The following PMEPA1 variants were observed in gnomAD, a reference collection of about 807,000 sequenced individuals.
PMEPA1 encodes protein TMEPAI.
In PMEPA1, 11 loss-of-function variants were observed where a neutral mutation model predicts 23.0. The observed-to-expected ratio is 0.48, with a 90% CI of 0.30 to 0.79. The LOEUF is 0.79. PMEPA1 is among the 30% of genes least tolerant of loss of function. The pLI is 0.06. For synonymous variants in PMEPA1, 204 were observed against 166.4 expected, an observed-to-expected ratio of 1.23 and a Z score of -1.74; for missense variants, 377 against 390.9, an observed-to-expected ratio of 0.96 and a Z score of 0.30.
intron 1 of PMEPA1, among the ~76,000 whole-genome samples, chr20:57,698,736 G>A (rs1020606069): frequency 2.6e-5 from 4 of 152,096 alleles, no homozygotes; most frequent in Admixed American, 1.3e-4. Flanking sequence ...AAAGCTCCCC[G>A]GCTTCACTTT....
intron 1 of PMEPA1, among the ~76,000 whole-genome samples, chr20:57,663,934 A>G (rs2071457714): frequency 6.6e-6 from 1 of 152,212 alleles, no homozygotes; most frequent in African/African-American, 2.4e-5. Context: ...CAGGCACAGC[A>G]GCATTGGGGC....
At chr20:57,690,837 T>A (rs1011947388) in intron 1 of PMEPA1, among the ~76,000 whole-genome samples, 23 of 152,230 alleles carry the variant, frequency 1.5e-4, no homozygotes, top group Non-Finnish European at 2.5e-4. Flanking sequence ...TTGCACCTCC[T>A]GGGAGAAAAT....
chr20:57,674,063 T>G (rs957100179), intron 1 of PMEPA1, among the ~76,000 whole-genome samples: 7 of 151,558 alleles, frequency 4.6e-5, no homozygotes, highest in Admixed American at 4.6e-4. Context: ...ACCCTCTGTT[T>G]GGAGCAGAAA....
At chr20:57,653,917 T>C (rs2071289680) in intron 2 of PMEPA1, among the ~76,000 whole-genome samples, 1 of 152,104 alleles carries the variant, frequency 6.6e-6, no homozygotes, top group Admixed American at 6.5e-5. Flanking sequence ...TTTCTCTCCC[T>C]TGATCTAGTG....
chr20:57,707,309 C>T (rs1350800656), intron 1 of PMEPA1, among the ~76,000 whole-genome samples: 2 of 152,202 alleles, frequency 1.3e-5, no homozygotes, highest in Non-Finnish European at 2.9e-5. Flanking sequence ...CACTTCCTCA[C>T]CCTAGTCTCT....
At chr20:57,663,087 T>G (rs1004421049) in intron 1 of PMEPA1, among the ~76,000 whole-genome samples, 3 of 152,128 alleles carry the variant, frequency 2.0e-5, no homozygotes, top group African/African-American at 4.8e-5. Context: ...CCGGGCTCAG[T>G]AGCGCATAAG....
intron 1 of PMEPA1, among the ~76,000 whole-genome samples, chr20:57,660,966 C>A (rs80026499): frequency 1.3e-5 from 2 of 151,976 alleles, no homozygotes; most frequent in South Asian, 4.2e-4. Context: ...ACAGACACAG[C>A]GCACCACACG....
intron 1 of PMEPA1, among the ~76,000 whole-genome samples, chr20:57,660,222 A>C (rs2071394291): frequency 6.6e-6 from 1 of 152,048 alleles, no homozygotes; most frequent in Non-Finnish European, 1.5e-5. Flanking sequence ...TGAGTTTGGG[A>C]GTGAAGCTTT....
intron 1 of PMEPA1, among the ~76,000 whole-genome samples, chr20:57,663,596 C>T (rs527754867): frequency 4.6e-5 from 7 of 152,332 alleles, no homozygotes; most frequent in Admixed American, 2.6e-4. Context: ...GCTCTGGAAT[C>T]GCAGAGGGAG....
At chr20:57,680,384 A>G (rs1474035510) in intron 1 of PMEPA1, among the ~76,000 whole-genome samples, 1 of 152,194 alleles carries the variant, frequency 6.6e-6, no homozygotes, top group African/African-American at 2.4e-5. Context: ...CATATCTGGA[A>G]ACACTTGTGG....
chr20:57,678,756 G>T (rs1177027283), intron 1 of PMEPA1, among the ~76,000 whole-genome samples: 1 of 152,218 alleles, frequency 6.6e-6, no homozygotes, highest in Non-Finnish European at 1.5e-5. Context: ...CCTATTGTCT[G>T]CCCCAAGTAA....
At position 57,709,987 on chromosome 20, in the gene PMEPA1, C is replaced by A. The variant is rs1438885464; in HGVS notation, c.-405G>T. On this transcript the variant is annotated 5_prime_UTR_variant, in exon 1 of 4. Coordinates refer to ENST00000341744, the MANE Select transcript of PMEPA1 (RefSeq NM_020182.5). ...AGGAGATCGGGTTTCGCTCCGAGAC[C>A]GCGGTCGGAGGCAGGCAGACGGTCT... is the stretch of plus-strand genomic sequence containing the variant. The A allele has an allele frequency of 3.3e-5, 33 of 991,564 alleles. No homozygotes were observed. The highest frequency in any genetic ancestry group is 3.6e-5 in the Non-Finnish European group (30 of 834,234). 61.4% of individuals were successfully genotyped at this position (991,564 alleles called of 1,614,324 possible). A position where few individuals can be genotyped will look rare whatever the true frequency, so the allele number is the denominator to read the frequency against.
intron 1 of PMEPA1, among the ~76,000 whole-genome samples, chr20:57,662,994 C>T (rs76135572): frequency 0.015 from 2,233 of 152,314 alleles, 55 homozygotes; most frequent in African/African-American, 0.051. Context: ...CTGGCCCCGC[C>T]AGGCTCGGCC....
rs1010923545 is a variant in PMEPA1 at position 57,655,597 on chromosome 20, C to T, written c.265-2511G>A. ...AGCTTCAGAATTGTCTGGAACCTTC[C>T]CCAGCCTCTGGCTATGTCTGCCAGT... is the stretch of plus-strand genomic sequence containing the variant. On this transcript the variant is annotated intron_variant, in intron 2 of 3. Coordinates refer to ENST00000341744, the MANE Select transcript of PMEPA1 (RefSeq NM_020182.5). This position sits in a 1 kb window ranked among gnomAD's most constrained non-coding sequence, Gnocchi z 4.2. Among the ~76,000 whole-genome samples, 5 of 152,142 alleles carry T rather than the reference C, an allele frequency of 3.3e-5. No homozygotes were observed. The highest frequency in any genetic ancestry group is 5.9e-5 in the Non-Finnish European group (4 of 68,034).
chr20:57,692,745 T>G (rs1319244079), intron 1 of PMEPA1, among the ~76,000 whole-genome samples: 1 of 152,198 alleles, frequency 6.6e-6, no homozygotes, highest in Non-Finnish European at 1.5e-5. Context: ...CACCTCCTCT[T>G]GCCTGGATAC....
At chr20:57,671,000 A>T (rs1348683046) in intron 1 of PMEPA1, among the ~76,000 whole-genome samples, 2 of 152,198 alleles carry the variant, frequency 1.3e-5, no homozygotes, top group East Asian at 3.9e-4. Flanking sequence ...CCTGCGTCTG[A>T]AAGTGCATTC....
chr20:57,659,796 G>C, intron 1 of PMEPA1, 99 bp from the exon 2 acceptor site: 1 of 1,136,192 alleles, frequency 8.8e-7, no homozygotes, highest in Non-Finnish European at 1.3e-6. Context: ...CTAGGGGGAC[G>C]AGAGTGCAAC....
chr20:57,651,836 T>TG lies in PMEPA1; in HGVS notation c.*216_*217insC. 2 of 263,538 alleles carry TG rather than the reference T, an allele frequency of 7.6e-6. No individual in the cohort carries two copies. The highest frequency in any genetic ancestry group is 1.3e-5 in the Non-Finnish European group (2 of 152,010). 16.3% of individuals were successfully genotyped at this position (263,538 alleles called of 1,614,324 possible). On this transcript the variant is annotated 3_prime_UTR_variant, in exon 4 of 4. Coordinates refer to ENST00000341744, the MANE Select transcript of PMEPA1 (RefSeq NM_020182.5). ...GACACAGCTCAACAAAGAAACGTGGTTTTTTTTTTTCTTTTTTCTTTTTTT... is the reference window on the plus strand; with the variant it reads ...GACACAGCTCAACAAAGAAACGTGGTGTTTTTTTTTTCTTTTTTCTTTTTTT...
At chr20:57,689,194 A>C (rs911159008) in intron 1 of PMEPA1, among the ~76,000 whole-genome samples, 13 of 152,288 alleles carry the variant, frequency 8.5e-5, no homozygotes, top group African/African-American at 2.9e-4. Context: ...GGGCAGGCGG[A>C]GGGAGAACTG....
Sources: gnomAD v4.1 joint callset for allele counts (sites outside exome capture counted in the v4.1 genomes callset) on GRCh38, gnomAD v4.1.1 for gene constraint, Gnocchi (gnomAD v3.1) non-coding constraint, MANE v1.5 for transcripts, NCBI Gene and HGNC (gene_info 2026-07-23, HGNC 2026-07-21) for gene names.